The following PDE4D variants were observed in gnomAD, a reference collection of about 807,000 sequenced individuals.
The protein encoded by PDE4D is 3',5'-cyclic-AMP phosphodiesterase 4D.
Under a neutral mutation model 87.4 loss-of-function variants are expected in PDE4D, and 24 were observed. The ratio of observed to expected loss-of-function variants is 0.27; its 90% CI spans 0.20 to 0.39. The LOEUF (loss-of-function observed/expected upper bound fraction) is 0.39, where lower values mean the gene tolerates loss of function less well. PDE4D is among the 10% of genes least tolerant of loss of function. The pLI, the probability that PDE4D is intolerant of heterozygous loss-of-function variation, is 1.00. For synonymous variants in PDE4D, 384 were observed against 383.2 expected (o/e 1.00, Z -0.02); for missense variants, 714 against 1,041.0 (o/e 0.69, Z 4.32).
At chr5:59,673,813 T>C (rs1177422615) in intron 1 of PDE4D, among the ~76,000 whole-genome samples, 1 of 152,206 alleles carries the variant, frequency 6.6e-6, no homozygotes, top group Non-Finnish European at 1.5e-5. Flanking sequence ...ATTAAACATA[T>C]ATGGGTTATA....
chr5:60,514,204 A>G (rs148596141), intron 1 of PDE4D, among the ~76,000 whole-genome samples: 1 of 152,142 alleles, frequency 6.6e-6, no homozygotes, highest in African/African-American at 2.4e-5. Context: ...TATTCTGAGT[A>G]ACCTTAAGCA....
At chr5:59,223,434 C>T (rs1342022928) in intron 1 of PDE4D, among the ~76,000 whole-genome samples, 1 of 152,104 alleles carries the variant, frequency 6.6e-6, no homozygotes, top group East Asian at 1.9e-4. Flanking sequence ...TATTGTAGCT[C>T]ATGCTGTTAG....
Position 60,420,170 on chromosome 5 carries a change from G to A in PDE4D, c.-90+67772C>T, listed in dbSNP as rs1742966839. On this transcript the variant is annotated intron_variant, in intron 1 of 16. Coordinates refer to the PDE4D transcript ENST00000502484. ...GACATCATTGCAGTTCAGGTCCTAT[G>A]GGTTTGAGAGAGCTCATAAATAAAT... is the stretch of plus-strand genomic sequence containing the variant. 2.6e-5 allele frequency among the ~76,000 whole-genome samples: 4 copies of A among 152,328 alleles called. No homozygotes were observed. The South Asian group carries it at 8.3e-4, about 32-fold the overall frequency.
At chr5:59,697,612 C>T (rs898563982) in intron 1 of PDE4D, among the ~76,000 whole-genome samples, 3 of 152,190 alleles carry the variant, frequency 2.0e-5, no homozygotes, top group African/African-American at 7.2e-5. Flanking sequence ...AATTGAGGCT[C>T]AGAGAGATAA....
Position 60,505,938 on chromosome 5 carries a change from C to A in PDE4D, n.70+16113G>T, listed in dbSNP as rs191670520. On this transcript the variant is annotated intron_variant and non_coding_transcript_variant, in intron 1 of 2. Coordinates refer to the PDE4D transcript ENST00000506510. ...AAAAGTTATGCTGCCTGTCTCTAGC[C>A]CAGTCAGGAAGCAGCTGAAAAGCCC... Among the ~76,000 whole-genome samples the A allele has an allele frequency of 2.2e-3, 334 of 152,294 alleles. 3 individuals carry two copies. The highest frequency in any genetic ancestry group is 9.3e-4 in the Non-Finnish European group (63 of 68,030).
chr5:59,040,792 C>T (rs1274648512), intron 5 of PDE4D, among the ~76,000 whole-genome samples: 1 of 152,164 alleles, frequency 6.6e-6, no homozygotes, highest in African/African-American at 2.4e-5. Flanking sequence ...GTCTTTGAAT[C>T]TACAGGTATT....
At chr5:60,419,633 A>T (rs10053459) in intron 1 of PDE4D, among the ~76,000 whole-genome samples, 18,825 of 152,090 alleles carry the variant, frequency 0.12, 1,257 homozygotes, top group Non-Finnish European at 0.15. Flanking sequence ...AGAATTACAA[A>T]TTTTTTAAGA....
At chr5:59,538,640 C>T (rs1815723311) in intron 1 of PDE4D, among the ~76,000 whole-genome samples, 1 of 152,194 alleles carries the variant, frequency 6.6e-6, no homozygotes, top group South Asian at 2.1e-4. Flanking sequence ...GGTCTCCTTT[C>T]CTTCAGCACT....
chr5:59,160,304 T>C (rs1039363852), intron 5 of PDE4D, among the ~76,000 whole-genome samples: 2 of 152,194 alleles, frequency 1.3e-5, no homozygotes, highest in Non-Finnish European at 2.9e-5. Context: ...AATCATATGA[T>C]TAGCAGTTAT....
chr5:59,723,835 C>T (rs1222470802), intron 1 of PDE4D, among the ~76,000 whole-genome samples: 1 of 152,164 alleles, frequency 6.6e-6, no homozygotes, highest in Non-Finnish European at 1.5e-5. Flanking sequence ...GCAGAAGCCA[C>T]TGGTTAACTT....
At chr5:59,888,122 C>T (rs1434310757) in intron 1 of PDE4D, among the ~76,000 whole-genome samples, 1 of 152,220 alleles carries the variant, frequency 6.6e-6, no homozygotes, top group Non-Finnish European at 1.5e-5. Flanking sequence ...ATTCCATAAT[C>T]TTAGAGAAAT....
At chr5:59,427,817 C>CAA (rs11356537) in intron 1 of PDE4D, among the ~76,000 whole-genome samples, 81 of 66,600 alleles carry the variant, frequency 1.2e-3, no homozygotes, top group African/African-American at 2.7e-3. Context: ...GACCCTGTCT[C>CAA]AAAAAAAAAA....
chr5:60,280,034 C>G, intron 1 of PDE4D, among the ~76,000 whole-genome samples: 1 of 152,086 alleles, frequency 6.6e-6, no homozygotes. Flanking sequence ...AAAAAGAAAA[C>G]CCAGGGCACT....
chr5:59,207,307 T>C (rs1749014591), intron 2 of PDE4D, among the ~76,000 whole-genome samples: 1 of 152,106 alleles, frequency 6.6e-6, no homozygotes, highest in Non-Finnish European at 1.5e-5. Context: ...AAAGTGAGAG[T>C]ACACTAGTGT....
At chr5:59,963,545 G>A (rs714291) in intron 3 of PDE4D, among the ~76,000 whole-genome samples, 40,225 of 123,730 alleles carry the variant, frequency 0.33, 5,810 homozygotes, top group Admixed American at 0.41. Context: ...ACATAAAAAC[G>A]GGCTGGCTTC....
chr5:59,989,547 A>G (rs1037181067), intron 2 of PDE4D, among the ~76,000 whole-genome samples: 2 of 152,090 alleles, frequency 1.3e-5, no homozygotes, highest in Non-Finnish European at 2.9e-5. Flanking sequence ...CAATTTTTAT[A>G]AGACTGAGAG....
chr5:59,588,262 A>C (rs1308236201), intron 1 of PDE4D, among the ~76,000 whole-genome samples: 1 of 152,144 alleles, frequency 6.6e-6, no homozygotes, highest in Non-Finnish European at 1.5e-5. Flanking sequence ...CTTTGTTGCA[A>C]AAATTCTGTT....
intron 1 of PDE4D, among the ~76,000 whole-genome samples, chr5:59,573,039 A>G (rs1321271882): frequency 6.6e-6 from 1 of 152,172 alleles, no homozygotes; most frequent in East Asian, 1.9e-4. Context: ...TGTTTATCCA[A>G]TGGACACGGG....
intron 1 of PDE4D, among the ~76,000 whole-genome samples, chr5:60,319,813 C>T (rs924361029): frequency 1.3e-5 from 2 of 152,210 alleles, no homozygotes. Flanking sequence ...TGGTGAGCAG[C>T]AAATGTTGCT....
Sources: allele counts gnomAD v4.1 joint callset (sites outside exome capture counted in the v4.1 genomes callset), GRCh38; gene constraint gnomAD v4.1.1; transcripts MANE v1.5; gene names NCBI Gene and HGNC (gene_info 2026-07-23, HGNC 2026-07-21).